TMEM209: variants seen among roughly 807,000 people sequenced by gnomAD.
TMEM209 encodes transmembrane protein 209, also known as testicular tissue protein Li 202.
In TMEM209, 65 loss-of-function variants were observed where a neutral mutation model predicts 76.2. That is an observed-to-expected ratio of 0.85 (90% CI 0.70 to 1.05). TMEM209 has a LOEUF of 1.05. Ranked by LOEUF, TMEM209 falls within the 50% of genes least tolerant of loss-of-function variation. TMEM209 has a pLI of 0.00. For synonymous variants in TMEM209, 239 were observed against 237.6 expected, an observed-to-expected ratio of 1.01 and a Z score of -0.06; for missense variants, 623 against 685.5, an observed-to-expected ratio of 0.91 and a Z score of 1.02.
chr7:130,166,100 G>T lies in TMEM209; in HGVS notation c.*351C>A, dbSNP rs1268506092. On this transcript the variant is annotated 3_prime_UTR_variant, in exon 15 of 15. Coordinates refer to ENST00000397622, the MANE Select transcript of TMEM209 (RefSeq NM_032842.4). Reference sequence around the variant, plus strand: ...AAATTTTTTTTTGGTACAAGAATCAGGTAGATGATTCTCATTTGGGGGTTA... The same window carrying T: ...AAATTTTTTTTTGGTACAAGAATCATGTAGATGATTCTCATTTGGGGGTTA... 5.9e-6 allele frequency: 1 copy of T among 168,196 alleles called. No individual in the cohort carries two copies. Among genetic ancestry groups the T allele is most frequent in the African/African-American group, 2.4e-5 (1 of 42,026 alleles). The allele number at this position is 168,196 out of a possible 1,614,324, so 10.4% of individuals were successfully genotyped here.
chr7:130,204,830 T>C lies in TMEM209; in HGVS notation c.3+543A>G, dbSNP rs1798375719. 2 of 630,378 alleles carry C rather than the reference T, an allele frequency of 3.2e-6. 1 individual carries two copies. Among genetic ancestry groups the C allele is most frequent in the Admixed American group, 1.1e-4 (2 of 17,784 alleles). 39.0% of individuals were successfully genotyped at this position (630,378 alleles called of 1,614,324 possible). ...GACTATATTCCATATCTGCTGTAAG[T>C]CATAAAGACTGTTGTACATCCTCAT... On this transcript the variant is annotated intron_variant, in intron 1 of 14. Coordinates refer to ENST00000397622, the MANE Select transcript of TMEM209 (RefSeq NM_032842.4).
intron 9 of TMEM209, among the ~76,000 whole-genome samples, chr7:130,179,986 TA>T (rs1311277866): frequency 6.6e-6 from 1 of 152,044 alleles, no homozygotes; most frequent in Non-Finnish European, 1.5e-5. Flanking sequence ...ACAAAAATCT[TA>T]AAATATTCAC....
intron 6 of TMEM209, among the ~76,000 whole-genome samples, chr7:130,191,219 G>C (rs1343041356): frequency 6.6e-6 from 1 of 150,932 alleles, no homozygotes; most frequent in Non-Finnish European, 1.5e-5. Context: ...AAGGCAAAAA[G>C]CCTAAGAGAT....
chr7:130,173,172 T>A (rs1797129210), intron 13 of TMEM209, among the ~76,000 whole-genome samples: 1 of 151,944 alleles, frequency 6.6e-6, no homozygotes, highest in South Asian at 2.1e-4. Flanking sequence ...ATGGAGAGAC[T>A]CTGTCTCTAC....
chr7:130,178,436 A>T lies in TMEM209; in HGVS notation c.1212T>A (p.Thr404=), dbSNP rs187965915. Residue 404 remains threonine (T), a synonymous_variant, in exon 10 of 15, where the codon ACT becomes ACA. Transcript: ENST00000397622. ...LNTIVQYLDL[T]PNQEYLFERI... is the part of the protein sequence containing the mutation. ...TTTCAAACAAGTATTCCTGATTTGG[A>T]GTAAGGTCTAGATACTGAACGATTG... The T allele has an allele frequency of 6.2e-7, 1 of 1,613,198 alleles. No homozygotes were observed. The highest frequency in any genetic ancestry group is 2.2e-5 in the East Asian group (1 of 44,856).
At chr7:130,191,458 G>T (rs1354070422) in intron 6 of TMEM209, among the ~76,000 whole-genome samples, 4 of 152,022 alleles carry the variant, frequency 2.6e-5, no homozygotes, top group Non-Finnish European at 4.4e-5. Flanking sequence ...GTGTGACAGT[G>T]AACAAATATA....
intron 6 of TMEM209, among the ~76,000 whole-genome samples, chr7:130,189,812 T>C (rs1797732211): frequency 1.3e-5 from 2 of 152,172 alleles, no homozygotes; most frequent in South Asian, 4.1e-4. Context: ...CATACAAATA[T>C]TTCCTAGAGG....
intron 6 of TMEM209, among the ~76,000 whole-genome samples, chr7:130,190,670 ATAATCT>A (rs964491083): frequency 3.3e-5 from 5 of 152,196 alleles, no homozygotes; most frequent in African/African-American, 1.2e-4. Context: ...AATTTTGAAA[ATAATCT>A]TAAAAGGATG....
intron 6 of TMEM209, among the ~76,000 whole-genome samples, chr7:130,190,258 C>T (rs1797748357): frequency 6.6e-6 from 1 of 152,176 alleles, no homozygotes; most frequent in African/African-American, 2.4e-5. Context: ...TGGCTCACGG[C>T]TGTAATTCCC....
At chr7:130,168,546 A>G (rs905466032) in intron 14 of TMEM209, among the ~76,000 whole-genome samples, 2 of 152,256 alleles carry the variant, frequency 1.3e-5, no homozygotes, top group African/African-American at 4.8e-5. Context: ...AAGTATATTT[A>G]TAACCAAACA....
rs752828776 is a variant in TMEM209, at chr7:130,192,575, T to A, written c.775+47A>T. On this transcript the variant is annotated intron_variant, in intron 6 of 14. Transcript: ENST00000397622. ...AATAATGAAAATAGTAGGTTAAGGATTGACACCAAAAATATGTATAGTAGA... is the reference window on the plus strand; with the variant it reads ...AATAATGAAAATAGTAGGTTAAGGAATGACACCAAAAATATGTATAGTAGA... 4.6e-6 allele frequency: 7 copies of A among 1,524,900 alleles called. No homozygotes were observed. The Admixed American group carries it at 5.2e-5, about 11-fold the overall frequency. The allele number at this position is 1,524,900 out of a possible 1,614,324, so 94.5% of individuals were successfully genotyped here.
chr7:130,204,928 G>A, intron 1 of TMEM209: 1 of 1,057,872 alleles, frequency 9.5e-7, no homozygotes, highest in Non-Finnish European at 1.1e-6. Context: ...TTTGTGTGTG[G>A]ATAAAGGACA....
At chr7:130,177,050 T>C (rs1189377443) in intron 10 of TMEM209, among the ~76,000 whole-genome samples, 1 of 143,756 alleles carries the variant, frequency 7.0e-6, no homozygotes, top group Non-Finnish European at 1.5e-5. Context: ...AAAAAAAAAT[T>C]ATATTAAGAA....
chr7:130,168,064 T>TA (rs1796936599), intron 14 of TMEM209, among the ~76,000 whole-genome samples: 1 of 152,128 alleles, frequency 6.6e-6, no homozygotes, highest in Non-Finnish European at 1.5e-5. Context: ...TACATTTCAG[T>TA]AAATGAAAAA....
chr7:130,192,099 T>A (rs1797816888), intron 6 of TMEM209, among the ~76,000 whole-genome samples: 2 of 152,314 alleles, frequency 1.3e-5, no homozygotes, highest in South Asian at 4.1e-4. Flanking sequence ...AATAATTGAC[T>A]CTGTAATAAT....
At chr7:130,198,295 G>C (rs1798060393) in intron 5 of TMEM209, among the ~76,000 whole-genome samples, 1 of 151,914 alleles carries the variant, frequency 6.6e-6, no homozygotes, top group Non-Finnish European at 1.5e-5. Flanking sequence ...CTGAATTCTG[G>C]GTACATCTAT....
chr7:130,180,635 C>T (rs2077501007), intron 9 of TMEM209, among the ~76,000 whole-genome samples: 1 of 152,176 alleles, frequency 6.6e-6, no homozygotes, highest in African/African-American at 2.4e-5. Flanking sequence ...TCCCAAAGTG[C>T]TGGGATTATA....
At chr7:130,196,269 T>A (rs2117023100) in intron 5 of TMEM209, among the ~76,000 whole-genome samples, 1 of 152,034 alleles carries the variant, frequency 6.6e-6, no homozygotes, top group African/African-American at 2.4e-5. Flanking sequence ...GTATTCGATA[T>A]ATTGTTTTTA....
chr7:130,188,190 G>A (rs1392990313), intron 6 of TMEM209, among the ~76,000 whole-genome samples: 2 of 152,204 alleles, frequency 1.3e-5, no homozygotes, highest in African/African-American at 4.8e-5. Context: ...ACTAAAGAAA[G>A]AGCTGATGAG....
Sources: gnomAD v4.1 joint callset for allele counts (sites outside exome capture counted in the v4.1 genomes callset) on GRCh38, gnomAD v4.1.1 for gene constraint, MANE v1.5 for transcripts, NCBI Gene and HGNC (gene_info 2026-07-23, HGNC 2026-07-21) for gene names.